Variants in MAP7 observed in about 807,000 individuals in gnomAD.
MAP7 encodes the protein microtubule associated protein 7, also known as ensconsin.
In MAP7, 52 loss-of-function variants were observed where a neutral mutation model predicts 94.8. The ratio of observed to expected loss-of-function variants is 0.55; its 90% CI spans 0.44 to 0.69. The LOEUF (loss-of-function observed/expected upper bound fraction) is 0.69. MAP7 is among the 30% of genes least tolerant of loss of function. The probability of loss-of-function intolerance (pLI) is 0.00; values close to 1 mark genes in which losing one functional copy is unlikely to be tolerated. For missense variants in MAP7, 940 were observed against 964.6 expected, an observed-to-expected ratio of 0.97 and a Z score of 0.34; for synonymous variants, 350 against 357.0, an observed-to-expected ratio of 0.98 and a Z score of 0.22.
chr6:136,499,829 T>A (rs1347944575), intron 1 of MAP7, among the ~76,000 whole-genome samples: 1 of 151,930 alleles, frequency 6.6e-6, no homozygotes, highest in Non-Finnish European at 1.5e-5. Flanking sequence ...GGAGCTCTCA[T>A]CTCTACAAAA....
At chr6:136,526,107 G>A in intron 1 of MAP7, 3 of 1,358,884 alleles carry the variant, frequency 2.2e-6, no homozygotes, top group Non-Finnish European at 2.8e-6. Context: ...TGGGTAAACA[G>A]TTTGCAAACA....
intron 1 of MAP7, among the ~76,000 whole-genome samples, chr6:136,460,263 T>C (rs1804738067): frequency 6.6e-6 from 1 of 152,180 alleles, no homozygotes; most frequent in South Asian, 2.1e-4. Context: ...TCATATAATA[T>C]TTAATAACAA....
rs539287156 is a variant in MAP7, at chr6:136,550,139, G to A, written c.67+203C>T. Among the ~76,000 whole-genome samples, 1 of 151,030 alleles carries A rather than the reference G, an allele frequency of 6.6e-6. No homozygotes were observed. Among genetic ancestry groups the A allele is most frequent in the South Asian group, 2.1e-4 (1 of 4,814 alleles). On this transcript the variant is annotated intron_variant, in intron 1 of 17. Transcript: ENST00000354570. The surrounding 1 kb of genome is among the most constrained non-coding windows in gnomAD (Gnocchi z 5.1). ...CCGCAACCCCGGCCGGGGCCGAGCC[G>A]GGCTGGCCGAGCCGCGGCGGCGAAG...
At chr6:136,374,708 G>T (rs1775564653) in intron 7 of MAP7, among the ~76,000 whole-genome samples, 1 of 152,100 alleles carries the variant, frequency 6.6e-6, no homozygotes, top group South Asian at 2.1e-4. Flanking sequence ...CTAAATATGG[G>T]TTGAAAATAT....
At chr6:136,524,737 A>G (rs1322155300) in intron 1 of MAP7, among the ~76,000 whole-genome samples, 1 of 152,232 alleles carries the variant, frequency 6.6e-6, no homozygotes, top group Non-Finnish European at 1.5e-5. Flanking sequence ...TTAATTCGAG[A>G]AACAGGAAAA....
rs535827591 is a variant in MAP7, at chr6:136,409,003, A to T, written c.244+2617T>A. On this transcript the variant is annotated intron_variant, in intron 3 of 17. Transcript: ENST00000354570. The stretch of plus-strand genomic sequence containing the variant: ...TATGCTCACTCCTGTATTTATGAAG[A>T]TTGAAGGGAGCCTCTCAAGACTTAG... Among the ~76,000 whole-genome samples, 158 of 152,210 alleles carry T rather than the reference A, an allele frequency of 1.0e-3. 3 individuals are homozygous for T. Among genetic ancestry groups the T allele is most frequent in the African/African-American group, 3.5e-3 (145 of 41,540 alleles).
intron 2 of MAP7, among the ~76,000 whole-genome samples, chr6:136,415,317 G>A (rs774307436): frequency 2.6e-5 from 4 of 152,110 alleles, no homozygotes; most frequent in Non-Finnish European, 5.9e-5. Flanking sequence ...AGCACATTAT[G>A]GAAAGTCTGT....
At position 136,503,926 on chromosome 6, in the gene MAP7, C is replaced by T. The variant is rs1049007999; in HGVS notation, c.67+46416G>A. ...GCACTATAAAAAGTTACTGCAGCAC[C>T]GATTTGTAGTCACAACAAAGTGAAA... is the stretch of plus-strand genomic sequence containing the variant. On this transcript the variant is annotated intron_variant, in intron 1 of 17. Transcript: ENST00000354570. Among the ~76,000 whole-genome samples the T allele has an allele frequency of 2.0e-5, 3 of 152,194 alleles. No individual in the cohort carries two copies. In the East Asian group the frequency reaches 5.8e-4, roughly 29 times the overall value.
At chr6:136,357,290 T>C (rs1028019929) in intron 15 of MAP7, among the ~76,000 whole-genome samples, 1 of 152,228 alleles carries the variant, frequency 6.6e-6, no homozygotes, top group Non-Finnish European at 1.5e-5. Flanking sequence ...AGCAGTGTAC[T>C]GTACCTCACC....
At chr6:136,409,455 G>C (rs1786669188) in intron 3 of MAP7, among the ~76,000 whole-genome samples, 2 of 152,194 alleles carry the variant, frequency 1.3e-5, no homozygotes. Flanking sequence ...AAAAAGTTAA[G>C]CTGTAATAAT....
intron 1 of MAP7, chr6:136,526,378 C>A: frequency 4.0e-6 from 4 of 991,014 alleles, no homozygotes; most frequent in Non-Finnish European, 4.8e-6. Flanking sequence ...AATCAGATCC[C>A]AGCTTCTTCC....
At chr6:136,407,750 C>T (rs1309424113) in intron 3 of MAP7, among the ~76,000 whole-genome samples, 1 of 152,034 alleles carries the variant, frequency 6.6e-6, no homozygotes, top group African/African-American at 2.4e-5. Context: ...AGTCAGTGGA[C>T]AGTATTGGGC....
chr6:136,492,731 CCCAAGAAATTTTCCTGAAAA>C (rs1278495026), intron 1 of MAP7, among the ~76,000 whole-genome samples: 2 of 151,944 alleles, frequency 1.3e-5, no homozygotes, highest in Non-Finnish European at 2.9e-5. Context: ...GCTAGATGAA[CCCAAGAAATTTTCCTGAAAA>C]CCAAGAGATA....
chr6:136,434,874 C>T (rs1374231722), intron 1 of MAP7, among the ~76,000 whole-genome samples: 1 of 152,128 alleles, frequency 6.6e-6, no homozygotes. Context: ...ACTGAGTGGC[C>T]CATCAGGGAG....
At chr6:136,425,832 T>A (rs1455764251) in intron 1 of MAP7, among the ~76,000 whole-genome samples, 2 of 152,212 alleles carry the variant, frequency 1.3e-5, no homozygotes, top group Non-Finnish European at 2.9e-5. Flanking sequence ...GGAGTTAGCA[T>A]AAGACAAACC....
chr6:136,540,901 T>G (rs971280012), intron 1 of MAP7, among the ~76,000 whole-genome samples: 1 of 152,166 alleles, frequency 6.6e-6, no homozygotes, highest in Non-Finnish European at 1.5e-5. Flanking sequence ...CTGCCAAGAT[T>G]GAGAGCCAAT....
At position 136,399,082 on chromosome 6, in the gene MAP7, G is replaced by A. The variant is rs188755434; in HGVS notation, c.245-9565C>T. The stretch of plus-strand genomic sequence containing the variant: ...CTCAGTTTCATACTAAGATATAGAA[G>A]GATTTTGGGTAACACTGGCTACCAG... On this transcript the variant is annotated intron_variant, in intron 3 of 17. Transcript: ENST00000354570. Among the ~76,000 whole-genome samples the A allele has an allele frequency of 3.0e-3, 459 of 152,268 alleles. 3 individuals are homozygous for A. The highest frequency in any genetic ancestry group is 6.8e-3 in the Middle Eastern group (2 of 294).
At chr6:136,404,412 C>T (rs890434551) in intron 3 of MAP7, among the ~76,000 whole-genome samples, 7 of 148,096 alleles carry the variant, frequency 4.7e-5, no homozygotes, top group Admixed American at 1.3e-4. Flanking sequence ...AAAAAAAAAG[C>T]CCCTCACATA....
At chr6:136,421,113 C>T (rs550126955) in intron 2 of MAP7, among the ~76,000 whole-genome samples, 1 of 152,292 alleles carries the variant, frequency 6.6e-6, no homozygotes, top group Admixed American at 6.5e-5. Context: ...ATTATATTTA[C>T]AGACTGTTTG....
Sources: gnomAD v4.1 joint callset for allele counts (sites outside exome capture counted in the v4.1 genomes callset) on GRCh38, gnomAD v4.1.1 for gene constraint, Gnocchi (gnomAD v3.1) non-coding constraint, MANE v1.5 for transcripts, NCBI Gene and HGNC (gene_info 2026-07-23, HGNC 2026-07-21) for gene names.